Variants in VPS41 observed in about 807,000 individuals in gnomAD.
VPS41 encodes vacuolar protein sorting-associated protein 41 homolog.
VPS41 carries 85 observed loss-of-function variants against 130.9 expected under a neutral mutation model. That is an observed-to-expected ratio of 0.65 (90% CI 0.55 to 0.78). The LOEUF is 0.78. Ranked by LOEUF, VPS41 falls within the 30% of genes least tolerant of loss-of-function variation. The pLI is 0.00. For missense variants in VPS41, 874 were observed against 1,018.7 expected (o/e 0.86, Z 1.93); for synonymous variants, 335 against 332.9 (o/e 1.01, Z -0.07).
intron 9 of VPS41, among the ~76,000 whole-genome samples, chr7:38,790,263 C>A (rs987123691): frequency 1.3e-5 from 2 of 151,434 alleles, no homozygotes; most frequent in South Asian, 4.2e-4. Flanking sequence ...AAGGGGAAAA[C>A]AAGCATTAGT....
At position 38,873,452 on chromosome 7, in the gene VPS41, AT is replaced by A. The variant is rs1786417654; in HGVS notation, c.61-4200del. ...CTCTTTAACTAAAAAAATAATAATA[AT>A]AGAAAAAAGGTTTTCATGCAGTTTG... On this transcript the variant is annotated intron_variant, in intron 2 of 28. Coordinates refer to ENST00000310301, the MANE Select transcript of VPS41 (RefSeq NM_014396.4). Among the ~76,000 whole-genome samples the A allele has an allele frequency of 6.7e-5, 9 of 134,500 alleles. 1 individual carries two copies. In the South Asian group the frequency reaches 2.4e-3, roughly 36 times the overall value. 88.2% of individuals were successfully genotyped at this position (134,500 alleles called of 152,430 possible).
intron 4 of VPS41, 130 bp downstream of exon 4, chr7:38,862,415 T>C: frequency 1.8e-6 from 1 of 554,030 alleles, no homozygotes; most frequent in East Asian, 3.1e-5. Flanking sequence ...AAATTTATAC[T>C]CTTAGCACTC....
intron 10 of VPS41, among the ~76,000 whole-genome samples, chr7:38,780,318 G>A (rs977527048): frequency 1.3e-5 from 2 of 151,834 alleles, no homozygotes; most frequent in Non-Finnish European, 2.9e-5. Flanking sequence ...TGCAGGGAGT[G>A]CGCTATGTTC....
intron 3 of VPS41, among the ~76,000 whole-genome samples, chr7:38,866,941 A>G (rs1307941592): frequency 6.6e-6 from 1 of 152,244 alleles, no homozygotes; most frequent in East Asian, 1.9e-4. Flanking sequence ...GGATAGACAA[A>G]ACATGGCATA....
Position 38,758,412 on chromosome 7 carries a change from G to C in VPS41, c.1492C>G (p.Arg498Gly), listed in dbSNP as rs372871510. Residue 498 changes from arginine to glycine, a missense_variant, in exon 18 of 29, where the codon CGG becomes GGG. Coordinates refer to ENST00000310301, the MANE Select transcript of VPS41 (RefSeq NM_014396.4). ...YNNSVIVQAV[R>G]DHLKKDSQNK... ...TGACTATCTTTCTTCAAATGATCCC[G>C]AACTGCTTGAACTATGACTGAATTA... 2 of 1,613,288 alleles carry C rather than the reference G, an allele frequency of 1.2e-6. No homozygotes were observed. The highest frequency in any genetic ancestry group is 1.1e-5 in the South Asian group (1 of 91,026).
At chr7:38,740,088 C>A (rs114020984) in intron 25 of VPS41, among the ~76,000 whole-genome samples, 1,859 of 152,220 alleles carry the variant, frequency 0.012, 54 homozygotes, top group African/African-American at 0.041. Context: ...GCAGTCATTG[C>A]GGAGGCTGGC....
intron 4 of VPS41, among the ~76,000 whole-genome samples, chr7:38,846,228 C>T (rs1785720673): frequency 1.3e-5 from 2 of 152,206 alleles, no homozygotes; most frequent in African/African-American, 4.8e-5. Context: ...TATACTTCAA[C>T]ACATTACATT....
intron 4 of VPS41, among the ~76,000 whole-genome samples, chr7:38,842,678 AT>A (rs948361569): frequency 6.6e-6 from 1 of 152,134 alleles, no homozygotes; most frequent in Non-Finnish European, 1.5e-5. Context: ...AACTCTATAT[AT>A]TTGGCTTAGT....
At position 38,817,767 on chromosome 7, in the gene VPS41, C is replaced by T. The variant is rs747708438; in HGVS notation, c.450+50G>A. 4 of 1,456,236 alleles carry T rather than the reference C, an allele frequency of 2.7e-6. No homozygotes were observed. The Admixed American group carries it at 6.7e-5, about 24-fold the overall frequency. 90.2% of individuals were successfully genotyped at this position (1,456,236 alleles called of 1,614,324 possible). The stretch of plus-strand genomic sequence containing the variant: ...TTAAGGATAAATTACAGAGTAAGCA[C>T]ACAACACCCCTCAAGGCTACATATC... On this transcript the variant is annotated intron_variant, in intron 7 of 28. Coordinates refer to ENST00000310301, the MANE Select transcript of VPS41 (RefSeq NM_014396.4).
In VPS41 at chr7:38,881,214, A is replaced by G. The variant is rs562233581; in HGVS notation, c.61-11961T>C. Among the ~76,000 whole-genome samples the G allele has an allele frequency of 1.0e-3, 154 of 152,138 alleles. 1 individual carries two copies. Among genetic ancestry groups the G allele is most frequent in the Admixed American group, 4.6e-3 (70 of 15,288 alleles). ...CTGCCCTCCCCTGGAAGCTGGGGGG[A>G]GAATCCCTTTCCTCTCCTTTTCCAG... is the stretch of plus-strand genomic sequence containing the variant. On this transcript the variant is annotated intron_variant, in intron 2 of 28. Coordinates refer to ENST00000310301, the MANE Select transcript of VPS41 (RefSeq NM_014396.4).
chr7:38,752,540 C>T (rs1425021249), intron 21 of VPS41, among the ~76,000 whole-genome samples: 2 of 152,132 alleles, frequency 1.3e-5, no homozygotes, highest in African/African-American at 4.8e-5. Flanking sequence ...CTGCCACGTA[C>T]CAACTGTGAC....
At chr7:38,790,531 C>T (rs752459849) in intron 9 of VPS41, among the ~76,000 whole-genome samples, 7 of 151,802 alleles carry the variant, frequency 4.6e-5, no homozygotes, top group Non-Finnish European at 8.8e-5. Flanking sequence ...TTCCAAAAAG[C>T]AAAACTTGAC....
At chr7:38,835,183 C>T (rs1052031062) in intron 4 of VPS41, among the ~76,000 whole-genome samples, 1 of 151,764 alleles carries the variant, frequency 6.6e-6, no homozygotes, top group Non-Finnish European at 1.5e-5. Flanking sequence ...AGGTGTTTAT[C>T]AGCTGTACTA....
intron 1 of VPS41, among the ~76,000 whole-genome samples, chr7:38,905,018 T>C (rs1380639226): frequency 6.6e-6 from 1 of 152,216 alleles, no homozygotes; most frequent in Non-Finnish European, 1.5e-5. Flanking sequence ...TACATCTGAA[T>C]TAATAACTTA....
rs541266624 is a variant in VPS41, at chr7:38,782,015, C to T, written c.785-5239G>A. On this transcript the variant is annotated intron_variant, in intron 10 of 28. Transcript: ENST00000310301. ...CATTATTGAACTCTTAGAGCTCCCT[C>T]TTCTGCTGTTTCCATTTGATATGAA... is the stretch of plus-strand genomic sequence containing the variant. 2.0e-5 allele frequency among the ~76,000 whole-genome samples: 3 copies of T among 152,334 alleles called. No individual in the cohort carries two copies. The South Asian group carries it at 6.2e-4, about 32-fold the overall frequency.
At chr7:38,749,552 G>A (rs1796051017) in intron 22 of VPS41, among the ~76,000 whole-genome samples, 1 of 152,116 alleles carries the variant, frequency 6.6e-6, no homozygotes, top group South Asian at 2.1e-4. Flanking sequence ...TGTACCAATA[G>A]GACTCAACAA....
intron 7 of VPS41, among the ~76,000 whole-genome samples, chr7:38,801,580 C>A (rs1026341650): frequency 1.3e-5 from 2 of 152,128 alleles, no homozygotes; most frequent in African/African-American, 4.8e-5. Context: ...TAAGAGAATT[C>A]TTTTGTAAGT....
chr7:38,806,929 A>G (rs1784849573), intron 7 of VPS41, among the ~76,000 whole-genome samples: 1 of 152,222 alleles, frequency 6.6e-6, no homozygotes, highest in Non-Finnish European at 1.5e-5. Context: ...CTCCATGACC[A>G]TGAAGGACCA....
intron 5 of VPS41, among the ~76,000 whole-genome samples, chr7:38,828,237 C>A (rs1016104928): frequency 5.9e-5 from 9 of 151,886 alleles, no homozygotes; most frequent in African/African-American, 2.2e-4. Context: ...TAAACTGAAA[C>A]TGAACACACA....
Sources: gnomAD v4.1 joint callset for allele counts (sites outside exome capture counted in the v4.1 genomes callset) on GRCh38, gnomAD v4.1.1 for gene constraint, MANE v1.5 for transcripts, NCBI Gene and HGNC (gene_info 2026-07-23, HGNC 2026-07-21) for gene names.